Variants in RASEF observed in about 807,000 individuals in gnomAD.
RASEF encodes RAS and EF-hand domain containing, also known as ras and EF-hand domain-containing protein.
Under a neutral mutation model 90.1 loss-of-function variants are expected in RASEF, and 68 were observed. The ratio of observed to expected loss-of-function variants is 0.75; its 90% CI spans 0.62 to 0.92. The LOEUF (loss-of-function observed/expected upper bound fraction) is 0.92, where lower values mean the gene tolerates loss of function less well. Among genes scored for constraint, RASEF ranks in the 40% least tolerant of loss-of-function variants. The pLI is 0.00. For synonymous variants in RASEF, 331 were observed against 345.2 expected (o/e 0.96, Z 0.46); for missense variants, 949 against 937.2 (o/e 1.01, Z -0.16).
At chr9:83,156,628 T>C in the RASEF span, among the ~76,000 whole-genome samples, 1 of 152,174 alleles carries the variant, frequency 6.6e-6, no homozygotes, top group African/African-American at 2.4e-5. Context: ...TATAACTGCC[T>C]CTTTGACTAC....
At chr9:83,070,759 TGAG>T in the RASEF span, among the ~76,000 whole-genome samples, 2 of 152,198 alleles carry the variant, frequency 1.3e-5, no homozygotes, top group African/African-American at 4.8e-5. Context: ...TGCCCATCAA[TGAG>T]ATTATATCTC....
chr9:83,018,886 T>C (rs1385352167), intron 3 of RASEF, among the ~76,000 whole-genome samples: 1 of 152,148 alleles, frequency 6.6e-6, no homozygotes, highest in Non-Finnish European at 1.5e-5. Flanking sequence ...TGATTTTGGA[T>C]AAAGTGCAGA....
the RASEF span, among the ~76,000 whole-genome samples, chr9:83,158,525 A>G: frequency 6.6e-6 from 1 of 150,480 alleles, no homozygotes; most frequent in East Asian, 2.0e-4. Flanking sequence ...TCACATTGTC[A>G]AGCTTTCCAC....
At chr9:83,122,564 G>A in the RASEF span, among the ~76,000 whole-genome samples, 13 of 152,292 alleles carry the variant, frequency 8.5e-5, no homozygotes, top group Middle Eastern at 6.8e-3. Context: ...GCGTGAGAGA[G>A]CGGGAGGTAC....
chr9:82,998,432 T>C lies in RASEF; in HGVS notation c.1738A>G (p.Met580Val), dbSNP rs1484103067. Residue 580 changes from methionine to valine, a missense_variant, in exon 13 of 17, where the codon ATG (methionine) becomes GTG (valine). Met to Val is a conservative substitution (Grantham distance 21). Around this residue, in one of 3 missense-constraint regions of RASEF, gnomAD observed 288 missense variants for 328.4 expected, o/e 0.88. Coordinates refer to ENST00000376447, the MANE Select transcript of RASEF (RefSeq NM_152573.4). ...ISATLGVDFQMKTLIVDGERT... is the reference protein window; with the variant it reads ...ISATLGVDFQVKTLIVDGERT... ...TCTCCATCCACAATGAGGGTTTTCA[T>C]TTGGAAATCAACTCCTGAAAAGGAA... The C allele has an allele frequency of 6.2e-7, 1 of 1,609,396 alleles. No individual in the cohort carries two copies. The highest frequency in any genetic ancestry group is 1.7e-5 in the Admixed American group (1 of 60,022).
the RASEF span, among the ~76,000 whole-genome samples, chr9:83,177,353 C>A: frequency 6.6e-6 from 1 of 152,092 alleles, no homozygotes. Context: ...CCGAAGAATT[C>A]CCTTTAGTAT....
chr9:83,156,336 T>C, the RASEF span, among the ~76,000 whole-genome samples: 1 of 152,180 alleles, frequency 6.6e-6, no homozygotes, highest in South Asian at 2.1e-4. Context: ...ATATTCTGGT[T>C]CTCTGAAGTA....
chr9:83,165,720 C>T, the RASEF span, among the ~76,000 whole-genome samples: 1 of 152,034 alleles, frequency 6.6e-6, no homozygotes, highest in Non-Finnish European at 1.5e-5. Flanking sequence ...AAAGCTGGTT[C>T]TGTGAAAACT....
chr9:83,157,495 A>G, the RASEF span, among the ~76,000 whole-genome samples: 133,718 of 152,158 alleles, frequency 0.88, 59,077 homozygotes, highest in African/African-American at 0.97. Flanking sequence ...ATGTTATAAC[A>G]CACTGAGAAG....
chr9:83,218,895 C>T, the RASEF span, among the ~76,000 whole-genome samples: 1 of 152,200 alleles, frequency 6.6e-6, no homozygotes, highest in South Asian at 2.1e-4. Context: ...TGTGTCCTCA[C>T]TCCTCACAGG....
chr9:83,210,497 C>T, the RASEF span, among the ~76,000 whole-genome samples: 9 of 152,316 alleles, frequency 5.9e-5, no homozygotes, highest in Admixed American at 3.9e-4. Flanking sequence ...CTCCATTGCA[C>T]CACAGTAGTG....
Position 83,000,159 on chromosome 9 carries a change from C to T in RASEF, c.1723+10G>A, listed in dbSNP as rs551669693. On this transcript the variant is annotated intron_variant, in intron 12 of 16. Coordinates refer to ENST00000376447, the MANE Select transcript of RASEF (RefSeq NM_152573.4). ...CATTTTCCCATTATCAACCGAAATA[C>T]GAGCCATACCCAGGGTGGCGCTTAT... The T allele has an allele frequency of 2.0e-5, 32 of 1,609,152 alleles. No homozygotes were observed. The highest frequency in any genetic ancestry group is 3.3e-4 in the Middle Eastern group (2 of 6,040).
At position 83,062,633 on chromosome 9, in the gene RASEF, GC is replaced by G. The variant is rs766769484; in HGVS notation, c.234del (p.Arg79GlyfsTer84). 2 of 1,553,312 alleles carry G rather than the reference GC, an allele frequency of 1.3e-6. No homozygotes were observed. The highest frequency in any genetic ancestry group is 1.7e-6 in the Non-Finnish European group (2 of 1,155,234). On this transcript the variant is annotated frameshift_variant, in exon 1 of 17. Coordinates refer to ENST00000376447, the MANE Select transcript of RASEF (RefSeq NM_152573.4). LOFTEE classifies it high-confidence loss of function. ...TCCAGAGGACCCCAGTCCCGGCGCC[GC>G]CCCCCGCGGAGGGACCCGAGGAAGC... is the stretch of plus-strand genomic sequence containing the variant. The part of the protein sequence containing the change: ...ARGFLGSLRG[G>X]RRRDWGPLDP...
chr9:83,144,384 AAAGAAAGGAAAG>A, the RASEF span, among the ~76,000 whole-genome samples: 2 of 49,944 alleles, frequency 4.0e-5, no homozygotes, highest in African/African-American at 2.2e-4. Context: ...AGAAAGAAAG[AAAGAAAGGAAAG>A]AAAGAAAGAA....
At chr9:83,141,971 A>T in the RASEF span, among the ~76,000 whole-genome samples, 1 of 152,236 alleles carries the variant, frequency 6.6e-6, no homozygotes, top group Admixed American at 6.5e-5. Context: ...TGACATTTAT[A>T]TGCCAATACA....
the RASEF span, among the ~76,000 whole-genome samples, chr9:83,212,718 G>A: frequency 6.6e-6 from 1 of 152,178 alleles, no homozygotes; most frequent in Non-Finnish European, 1.5e-5. Context: ...GCCACCTATA[G>A]GCATGAAAAA....
rs894780308 is a variant in RASEF, at chr9:82,990,401, G to A, written c.2107C>T (p.His703Tyr). 1.9e-6 allele frequency: 3 copies of A among 1,612,804 alleles called. No individual in the cohort carries two copies. The highest frequency in any genetic ancestry group is 2.5e-6 in the Non-Finnish European group (3 of 1,178,932). The change falls in exon 16 of 17, where the codon CAC (histidine) becomes TAC (tyrosine). Residue 703 changes from histidine to tyrosine, a missense_variant. By Grantham distance (83) the His-to-Tyr change is moderately conservative. Coordinates refer to ENST00000376447, the MANE Select transcript of RASEF (RefSeq NM_152573.4). ...TTTCCCAAACTTTACCGAGCAAGGT[G>A]CAGAACAGCCTCCACTATGTTAGAA... ...DGSNIVEAVL[H>Y]LAREVKKRTD...
chr9:82,996,977 G>A (rs754394302), intron 14 of RASEF, 35 bp downstream of exon 14: 21 of 1,242,112 alleles, frequency 1.7e-5, no homozygotes, highest in Middle Eastern at 1.9e-4. Context: ...AAACTTCCTC[G>A]TGTAATTTTC....
intron 14 of RASEF, among the ~76,000 whole-genome samples, chr9:82,993,849 C>G (rs1033152038): frequency 3.9e-5 from 6 of 152,174 alleles, no homozygotes; most frequent in Non-Finnish European, 1.5e-5. Context: ...TCAGGCAAGT[C>G]TCTGCAGCTT....
Sources: allele counts gnomAD v4.1 joint callset (sites outside exome capture counted in the v4.1 genomes callset), GRCh38; gene constraint gnomAD v4.1.1; regional missense constraint gnomAD v4.1.1; transcripts MANE v1.5; gene names NCBI Gene and HGNC (gene_info 2026-07-23, HGNC 2026-07-21).